Variants in KCNAB1 observed in about 807,000 individuals in gnomAD.
KCNAB1 encodes the protein potassium voltage-gated channel subfamily A regulatory beta subunit 1, also known as voltage-gated potassium channel subunit beta-1.
A neutral mutation model predicts 64.6 loss-of-function variants in KCNAB1; 35 were observed. That is an observed-to-expected ratio of 0.54 (90% CI 0.41 to 0.72). The LOEUF (loss-of-function observed/expected upper bound fraction) is 0.72. KCNAB1 is among the 30% of genes least tolerant of loss of function. The probability of loss-of-function intolerance (pLI) is 0.00; values close to 1 mark genes in which losing one functional copy is unlikely to be tolerated. For missense variants in KCNAB1, 401 were observed against 512.9 expected, an observed-to-expected ratio of 0.78 and a Z score of 2.11; for synonymous variants, 177 against 183.8, an observed-to-expected ratio of 0.96 and a Z score of 0.30.
chr3:156,354,878 C>T (rs1429841998), intron 1 of KCNAB1, among the ~76,000 whole-genome samples: 1 of 152,148 alleles, frequency 6.6e-6, no homozygotes, highest in Non-Finnish European at 1.5e-5. Context: ...TTCAAGTTTC[C>T]AACCAGCAAA....
At chr3:156,285,374 C>G (rs896082797) in intron 1 of KCNAB1, among the ~76,000 whole-genome samples, 2 of 152,120 alleles carry the variant, frequency 1.3e-5, no homozygotes, top group Non-Finnish European at 1.5e-5. Flanking sequence ...AAACTAATGA[C>G]AGTTGTAAAA....
chr3:156,503,987 C>T (rs1716639078), intron 8 of KCNAB1, among the ~76,000 whole-genome samples: 1 of 152,142 alleles, frequency 6.6e-6, no homozygotes, highest in Non-Finnish European at 1.5e-5. Flanking sequence ...TACAAAGCTA[C>T]AGAACACTAG....
intron 8 of KCNAB1, among the ~76,000 whole-genome samples, chr3:156,476,582 T>TAC (rs1714377190): frequency 6.9e-6 from 1 of 144,958 alleles, no homozygotes; most frequent in African/African-American, 2.7e-5. Context: ...CACACACATA[T>TAC]ATACACACAC....
In KCNAB1 at chr3:156,335,853, G is replaced by GGTT. The variant is rs1553848761; in HGVS notation, c.276-85763_276-85762insGTT. ...AGTGTGATTCTATAAAATTGTTTGG[G>GGTT]TTTTTTTTTTTTTTTTGCATTACAC... On this transcript the variant is annotated intron_variant, in intron 1 of 13. Coordinates refer to ENST00000490337, the MANE Select transcript of KCNAB1 (RefSeq NM_172160.3). Among the ~76,000 whole-genome samples the GGTT allele has an allele frequency of 9.8e-4, 133 of 135,304 alleles. 1 individual carries two copies. Among genetic ancestry groups the GGTT allele is most frequent in the African/African-American group, 3.3e-3 (122 of 36,892 alleles). 88.8% of individuals were successfully genotyped at this position (135,304 alleles called of 152,430 possible).
chr3:156,240,200 G>A (rs1024780248), intron 1 of KCNAB1, among the ~76,000 whole-genome samples: 13 of 152,188 alleles, frequency 8.5e-5, no homozygotes, highest in Non-Finnish European at 1.5e-4. Context: ...AGGAAAGACA[G>A]CTTAAAACAT....
intron 1 of KCNAB1, among the ~76,000 whole-genome samples, chr3:156,410,240 T>G (rs1037013392): frequency 2.0e-5 from 3 of 152,226 alleles, no homozygotes; most frequent in African/African-American, 7.2e-5. Context: ...AACTCTAGTT[T>G]CAGAATTGTT....
chr3:156,433,760 T>A (rs1181561467), intron 2 of KCNAB1, among the ~76,000 whole-genome samples: 1 of 152,172 alleles, frequency 6.6e-6, no homozygotes, highest in Non-Finnish European at 1.5e-5. Context: ...AGTTTTCTAT[T>A]TACTCCTCAC....
chr3:156,296,537 C>T (rs919576256), intron 1 of KCNAB1, among the ~76,000 whole-genome samples: 30 of 147,894 alleles, frequency 2.0e-4, no homozygotes, highest in African/African-American at 5.9e-4. Flanking sequence ...GCAGTGGCGC[C>T]GTCTCAGCTC....
chr3:156,227,199 C>T (rs13070306), intron 1 of KCNAB1, among the ~76,000 whole-genome samples: 17,149 of 152,140 alleles, frequency 0.11, 1,207 homozygotes, highest in Non-Finnish European at 0.16. Flanking sequence ...GCCATTACTC[C>T]ACTGATCAGT....
intron 1 of KCNAB1, among the ~76,000 whole-genome samples, chr3:156,377,226 C>G (rs1711744871): frequency 6.6e-6 from 1 of 152,124 alleles, no homozygotes; most frequent in Non-Finnish European, 1.5e-5. Context: ...ATTCTCAAAA[C>G]TAACTCTTAT....
chr3:156,218,801 A>AAAAAT (rs371264941), intron 1 of KCNAB1, among the ~76,000 whole-genome samples: 1,138 of 112,158 alleles, frequency 0.01, 20 homozygotes, highest in East Asian at 0.026. Context: ...AAAAAAAAAA[A>AAAAAT]AATAATAATA....
chr3:156,395,532 G>A lies in KCNAB1; in HGVS notation c.276-26084G>A, dbSNP rs1159547962. On this transcript the variant is annotated intron_variant, in intron 1 of 13. Transcript: ENST00000490337. ...TGCACTCCAGCCTGGGCGACAGAGC[G>A]AGACTCCGTCTCAAAAAAAAAAAAA... is the stretch of plus-strand genomic sequence containing the variant. Among the ~76,000 whole-genome samples, 6 of 79,828 alleles carry A rather than the reference G, an allele frequency of 7.5e-5. No homozygotes were observed. In the East Asian group the frequency reaches 1.2e-3, roughly 16 times the overall value. The allele number at this position is 79,828 out of a possible 152,430, so 52.4% of individuals were successfully genotyped here.
intron 11 of KCNAB1, among the ~76,000 whole-genome samples, chr3:156,521,488 G>T (rs1475953319): frequency 1.3e-5 from 2 of 152,214 alleles, no homozygotes; most frequent in Non-Finnish European, 2.9e-5. Flanking sequence ...TGGAGATGCT[G>T]ACATGAACAA....
rs1577640997 is a variant in KCNAB1, at chr3:156,148,944, C to T, written c.275+28058C>T. On this transcript the variant is annotated intron_variant, in intron 1 of 13. Transcript: ENST00000490337. ...TTTATCTCACACATGGGCTCCTAAT[C>T]AGCTTGGCCTCAGGAAGTGTGGGAA... 2.0e-5 allele frequency among the ~76,000 whole-genome samples: 3 copies of T among 151,904 alleles called. No homozygotes were observed. In the South Asian group the frequency reaches 6.2e-4, roughly 32 times the overall value.
At chr3:156,438,490 G>A (rs1176869970) in intron 2 of KCNAB1, among the ~76,000 whole-genome samples, 2 of 152,168 alleles carry the variant, frequency 1.3e-5, no homozygotes, top group South Asian at 2.1e-4. Context: ...GTTAAGACAG[G>A]TATGTGGTTA....
At chr3:156,139,584 G>GTTTTTTTTTTTTTTTTTTTTTTTTTTT (rs386398329) in intron 1 of KCNAB1, among the ~76,000 whole-genome samples, 1 of 55,256 alleles carries the variant, frequency 1.8e-5, no homozygotes, top group Non-Finnish European at 3.2e-5. Context: ...ATTGTACTGT[G>GTTTTTTTTTTTTTTTTTTTTTTTTTTT]TTTTTTTTTT....
At chr3:156,470,789 G>GA (rs1382078640) in intron 7 of KCNAB1, among the ~76,000 whole-genome samples, 1 of 152,096 alleles carries the variant, frequency 6.6e-6, no homozygotes, top group Non-Finnish European at 1.5e-5. Flanking sequence ...AACTTTAAAA[G>GA]AAAAAGACAA....
chr3:156,253,654 C>T (rs934694346), intron 1 of KCNAB1, among the ~76,000 whole-genome samples: 8 of 152,194 alleles, frequency 5.3e-5, no homozygotes, highest in Admixed American at 2.0e-4. Flanking sequence ...AGGGGAGGCT[C>T]AGCTTCTTCC....
At chr3:156,268,632 G>C (rs1313354105) in intron 1 of KCNAB1, among the ~76,000 whole-genome samples, 2 of 152,140 alleles carry the variant, frequency 1.3e-5, no homozygotes, top group African/African-American at 2.4e-5. Flanking sequence ...ATGATGTAGA[G>C]CACCTTTTCA....
Sources: gnomAD v4.1 joint callset for allele counts (sites outside exome capture counted in the v4.1 genomes callset) on GRCh38, gnomAD v4.1.1 for gene constraint, MANE v1.5 for transcripts, NCBI Gene and HGNC (gene_info 2026-07-23, HGNC 2026-07-21) for gene names.